The following ANKS1B variants were observed in gnomAD, a reference collection of about 807,000 sequenced individuals.
ANKS1B encodes the protein ankyrin repeat and sterile alpha motif domain containing 1B.
ANKS1B carries 36 observed loss-of-function variants against 148.3 expected under a neutral mutation model. The observed-to-expected ratio is 0.24, with a 90% CI of 0.19 to 0.32. ANKS1B has a LOEUF of 0.32. Among genes scored for constraint, ANKS1B ranks in the 10% least tolerant of loss-of-function variants. ANKS1B has a pLI of 1.00. For missense variants in ANKS1B, 1,157 were observed against 1,542.6 expected (o/e 0.75, Z 4.19); for synonymous variants, 542 against 560.8 (o/e 0.97, Z 0.47).
chr12:99,533,776 C>T (rs576230785), intron 9 of ANKS1B, among the ~76,000 whole-genome samples: 22 of 152,180 alleles, frequency 1.4e-4, no homozygotes, highest in South Asian at 1.2e-3. Context: ...TGTGTGTGCA[C>T]GCTTCTATTT....
At chr12:99,498,341 T>G (rs1244495744) in intron 10 of ANKS1B, among the ~76,000 whole-genome samples, 1 of 152,214 alleles carries the variant, frequency 6.6e-6, no homozygotes, top group African/African-American at 2.4e-5. Context: ...TCTACCCTAG[T>G]ATCATTCTAT....
chr12:98,825,722 A>G (rs2099243704), intron 19 of ANKS1B, among the ~76,000 whole-genome samples: 1 of 151,656 alleles, frequency 6.6e-6, no homozygotes, highest in South Asian at 2.1e-4. Flanking sequence ...TCACTCTCTT[A>G]TTGTTCATTT....
chr12:99,858,336 C>G (rs918792340), intron 1 of ANKS1B, among the ~76,000 whole-genome samples: 11 of 151,794 alleles, frequency 7.2e-5, no homozygotes, highest in Admixed American at 7.2e-4. Flanking sequence ...CCACCTTACT[C>G]CTGCAAGAAT....
intron 4 of ANKS1B, among the ~76,000 whole-genome samples, chr12:99,798,433 A>AAAAAC (rs2066517899): frequency 6.9e-6 from 1 of 145,020 alleles, no homozygotes. Context: ...TAAAAAAAAA[A>AAAAAC]AAAAAAAAAA....
At chr12:99,356,167 C>T (rs182475046) in intron 12 of ANKS1B, among the ~76,000 whole-genome samples, 6 of 152,212 alleles carry the variant, frequency 3.9e-5, no homozygotes, top group East Asian at 3.9e-4. Context: ...CCAACGAAGA[C>T]GCTTGCCTAC....
In ANKS1B at chr12:99,409,556, C is replaced by A. The variant is rs1368922488; in HGVS notation, c.1576-9745G>T. On this transcript the variant is annotated intron_variant, in intron 11 of 26. Coordinates refer to ENST00000683438, the MANE Select transcript of ANKS1B (RefSeq NM_001352186.2). ...GGAAAAATGCTTGAGTTGATGAACA[C>A]CCCATTTACCCCAAAATGATTATTA... Among the ~76,000 whole-genome samples, 5 of 151,976 alleles carry A rather than the reference C, an allele frequency of 3.3e-5. No individual in the cohort carries two copies. In the East Asian group the frequency reaches 7.7e-4, roughly 23 times the overall value.
intron 12 of ANKS1B, among the ~76,000 whole-genome samples, chr12:99,328,061 G>A (rs897678244): frequency 4.0e-5 from 6 of 151,746 alleles, no homozygotes; most frequent in African/African-American, 1.2e-4. Context: ...AGACAAAATG[G>A]GATAACTGAC....
intron 14 of ANKS1B, chr12:99,154,856 C>T: frequency 2.0e-6 from 3 of 1,532,720 alleles, no homozygotes. Context: ...CGCTCGCTCC[C>T]CTTCATTACC....
intron 4 of ANKS1B, among the ~76,000 whole-genome samples, chr12:99,785,395 T>G (rs2064906069): frequency 2.0e-5 from 3 of 152,122 alleles, no homozygotes; most frequent in Admixed American, 2.0e-4. Flanking sequence ...AATAGAAATA[T>G]CACTATAAAA....
intron 26 of ANKS1B, among the ~76,000 whole-genome samples, chr12:98,750,318 G>A (rs2098045694): frequency 6.6e-6 from 1 of 152,138 alleles, no homozygotes; most frequent in Non-Finnish European, 1.5e-5. Context: ...GGGGCTGGAG[G>A]GAAAGATCCC....
At chr12:99,783,769 T>C (rs1459844037) in intron 4 of ANKS1B, among the ~76,000 whole-genome samples, 2 of 152,106 alleles carry the variant, frequency 1.3e-5, no homozygotes, top group Non-Finnish European at 2.9e-5. Context: ...GGTGATTGAC[T>C]GCGAAATTAC....
chr12:99,351,385 T>C (rs1276223407), intron 12 of ANKS1B, among the ~76,000 whole-genome samples: 1 of 152,072 alleles, frequency 6.6e-6, no homozygotes, highest in Non-Finnish European at 1.5e-5. Context: ...TAATTTTTAA[T>C]TTTGGTGGTA....
intron 9 of ANKS1B, among the ~76,000 whole-genome samples, chr12:99,546,567 A>G (rs907959142): frequency 7.2e-5 from 11 of 152,264 alleles, no homozygotes; most frequent in Middle Eastern, 6.8e-3. Context: ...AGCGAAGAAA[A>G]TGGGATCTCT....
intron 17 of ANKS1B, among the ~76,000 whole-genome samples, chr12:98,928,044 G>T (rs2099810312): frequency 6.6e-6 from 1 of 150,542 alleles, no homozygotes; most frequent in Non-Finnish European, 1.5e-5. Context: ...TCTTTACCTA[G>T]ACTGACCAAG....
intron 12 of ANKS1B, among the ~76,000 whole-genome samples, chr12:99,347,444 T>C (rs895309003): frequency 6.6e-6 from 1 of 151,940 alleles, no homozygotes; most frequent in African/African-American, 2.4e-5. Context: ...CTTCAGACTC[T>C]GTGAAAGCAG....
chr12:98,852,148 A>G (rs2099531896), intron 17 of ANKS1B, among the ~76,000 whole-genome samples: 1 of 151,736 alleles, frequency 6.6e-6, no homozygotes, highest in African/African-American at 2.4e-5. Flanking sequence ...TCCACAGGCC[A>G]GGAAAGGGAA....
intron 9 of ANKS1B, among the ~76,000 whole-genome samples, chr12:99,569,180 C>T (rs538326293): frequency 1.3e-5 from 2 of 152,156 alleles, no homozygotes; most frequent in Non-Finnish European, 2.9e-5. Flanking sequence ...ATTTAAAAAA[C>T]ATATATTGTT....
intron 11 of ANKS1B, among the ~76,000 whole-genome samples, chr12:99,410,998 C>T (rs1038695559): frequency 6.6e-6 from 1 of 152,238 alleles, no homozygotes; most frequent in African/African-American, 2.4e-5. Flanking sequence ...CTTCCCCACA[C>T]TCATGGTCTC....
chr12:99,622,341 C>T (rs1027470666), intron 9 of ANKS1B, among the ~76,000 whole-genome samples: 16 of 151,654 alleles, frequency 1.1e-4, no homozygotes, highest in African/African-American at 3.9e-4. Context: ...AACTACAAAA[C>T]AAGAACAAGC....
Sources: allele counts gnomAD v4.1 joint callset (sites outside exome capture counted in the v4.1 genomes callset), GRCh38; gene constraint gnomAD v4.1.1; transcripts MANE v1.5; gene names NCBI Gene and HGNC (gene_info 2026-07-23, HGNC 2026-07-21).